SDK1: variants seen among roughly 807,000 people sequenced by gnomAD.
The protein encoded by SDK1 is protein sidekick-1.
SDK1 carries 157 observed loss-of-function variants against 245.5 expected under a neutral mutation model. The ratio of observed to expected loss-of-function variants is 0.64; its 90% CI spans 0.56 to 0.73. The LOEUF is 0.73. SDK1 is among the 30% of genes least tolerant of loss of function. The pLI is 0.00. For missense variants in SDK1, 3,583 were observed against 3,002.3 expected (o/e 1.19, Z -4.52); for synonymous variants, 1,647 against 1,278.5 (o/e 1.29, Z -6.15).
intron 5 of SDK1, among the ~76,000 whole-genome samples, chr7:3,872,647 T>C (rs926312779): frequency 1.1e-4 from 17 of 151,758 alleles, no homozygotes; most frequent in African/African-American, 4.1e-4. Flanking sequence ...ATTGTAGTTG[T>C]GCCTTCTCTT....
intron 4 of SDK1, among the ~76,000 whole-genome samples, chr7:3,725,583 G>C (rs182131337): frequency 6.6e-6 from 1 of 152,140 alleles, no homozygotes; most frequent in Non-Finnish European, 1.5e-5. Flanking sequence ...ACTCTTTGGC[G>C]CTCTACTTTT....
intron 11 of SDK1, among the ~76,000 whole-genome samples, chr7:3,969,863 A>G (rs1438833358): frequency 6.6e-6 from 1 of 152,260 alleles, no homozygotes; most frequent in African/African-American, 2.4e-5. Context: ...TTAGGAGTGA[A>G]CTGAAAGAAA....
chr7:3,609,771 G>A (rs1371546629), intron 1 of SDK1, among the ~76,000 whole-genome samples: 2 of 150,402 alleles, frequency 1.3e-5, no homozygotes, highest in East Asian at 3.9e-4. Flanking sequence ...CACGATCTTG[G>A]CTCACTGCAA....
At chr7:3,493,470 C>G (rs1326709254) in intron 1 of SDK1, among the ~76,000 whole-genome samples, 1 of 152,182 alleles carries the variant, frequency 6.6e-6, no homozygotes, top group Admixed American at 6.5e-5. Context: ...GTGTGGTGTG[C>G]TGTTCTCACT....
rs111416733 is a variant in SDK1 at position 4,053,949 on chromosome 7, G to A, written c.2911+2119G>A. Among the ~76,000 whole-genome samples the A allele has an allele frequency of 7.1e-3, 1,078 of 151,952 alleles. 8 individuals carry two copies. Among genetic ancestry groups the A allele is most frequent in the African/African-American group, 0.025 (1,034 of 41,420 alleles). ...GGTGGTGGTTTTTTTTGTTGTTGTT[G>A]TTGTTTTGAGACAGAATCTTGCTCT... On this transcript the variant is annotated intron_variant, in intron 19 of 44. Coordinates refer to ENST00000404826, the MANE Select transcript of SDK1 (RefSeq NM_152744.4).
intron 22 of SDK1, among the ~76,000 whole-genome samples, chr7:4,103,398 T>A (rs896047942): frequency 6.6e-6 from 1 of 152,240 alleles, no homozygotes; most frequent in African/African-American, 2.4e-5. Flanking sequence ...GAACATTCTT[T>A]CTTGGCCTTG....
At chr7:4,259,016 T>TC (rs1401005052) in intron 44 of SDK1, among the ~76,000 whole-genome samples, 1 of 152,196 alleles carries the variant, frequency 6.6e-6, no homozygotes, top group African/African-American at 2.4e-5. Flanking sequence ...CAAACCCAAT[T>TC]CAGGGGCTAA....
At chr7:3,389,984 T>C (rs917102130) in intron 1 of SDK1, among the ~76,000 whole-genome samples, 1 of 152,128 alleles carries the variant, frequency 6.6e-6, no homozygotes, top group African/African-American at 2.4e-5. Flanking sequence ...GAGCTTGTTA[T>C]TGGTAAGTGG....
intron 4 of SDK1, among the ~76,000 whole-genome samples, chr7:3,784,910 T>A (rs1307218976): frequency 2.0e-5 from 3 of 152,234 alleles, no homozygotes; most frequent in Non-Finnish European, 4.4e-5. Flanking sequence ...CACCAATGTT[T>A]ACTGCAGCAT....
intron 9 of SDK1, among the ~76,000 whole-genome samples, chr7:3,965,907 G>C (rs887333606): frequency 6.6e-6 from 1 of 151,946 alleles, no homozygotes; most frequent in Admixed American, 6.6e-5. Context: ...GAGCAAGCTC[G>C]GCATGTGTGC....
intron 1 of SDK1, among the ~76,000 whole-genome samples, chr7:3,432,319 C>A (rs7810155): frequency 2.6e-5 from 4 of 151,598 alleles, no homozygotes; most frequent in East Asian, 1.9e-4. Context: ...GCATGTCATC[C>A]TGCCCCAGTC....
At chr7:3,312,577 T>TA (rs1562406374) in intron 1 of SDK1, among the ~76,000 whole-genome samples, 1 of 151,628 alleles carries the variant, frequency 6.6e-6, no homozygotes, top group Non-Finnish European at 1.5e-5. Flanking sequence ...GTGTTTTTTT[T>TA]TAAAAAAAAT....
At chr7:4,127,304 A>G (rs1784452324) in intron 25 of SDK1, 77 bp from the exon 26 acceptor site, 8 of 1,086,612 alleles carry the variant, frequency 7.4e-6, no homozygotes, top group Non-Finnish European at 1.1e-5. Context: ...CAACTTGATT[A>G]TTTGGGTGAA....
At chr7:3,794,695 T>C (rs1778919719) in intron 4 of SDK1, among the ~76,000 whole-genome samples, 1 of 152,138 alleles carries the variant, frequency 6.6e-6, no homozygotes, top group Non-Finnish European at 1.5e-5. Context: ...TCCCTCGACC[T>C]TGGACTTCTC....
chr7:3,752,005 C>T (rs73032355), intron 4 of SDK1, among the ~76,000 whole-genome samples: 34,921 of 152,240 alleles, frequency 0.23, 4,210 homozygotes, highest in Middle Eastern at 0.39. Context: ...AACAAGCTTT[C>T]AGCCAATGGG....
intron 5 of SDK1, among the ~76,000 whole-genome samples, chr7:3,913,685 C>A (rs754796748): frequency 9.2e-5 from 14 of 152,132 alleles, no homozygotes; most frequent in Admixed American, 2.6e-4. Context: ...AATCCCAACT[C>A]TCCTAAACCC....
At chr7:3,518,646 G>C (rs570312700) in intron 1 of SDK1, among the ~76,000 whole-genome samples, 11 of 152,064 alleles carry the variant, frequency 7.2e-5, no homozygotes, top group African/African-American at 2.6e-4. Context: ...TCTCATCCCA[G>C]ATAGGATGGC....
intron 1 of SDK1, among the ~76,000 whole-genome samples, chr7:3,446,532 G>A (rs1459940780): frequency 1.3e-5 from 2 of 152,112 alleles, no homozygotes; most frequent in Non-Finnish European, 2.9e-5. Context: ...TAAGAGCCAC[G>A]AAACTTCCTT....
chr7:4,198,895 C>T (rs764982003), intron 35 of SDK1, among the ~76,000 whole-genome samples: 6 of 151,608 alleles, frequency 4.0e-5, no homozygotes, highest in Middle Eastern at 6.8e-3. Flanking sequence ...CTCACTGCAA[C>T]CTCCGCCTCC....
Sources: allele counts gnomAD v4.1 joint callset (sites outside exome capture counted in the v4.1 genomes callset), GRCh38; gene constraint gnomAD v4.1.1; transcripts MANE v1.5; gene names NCBI Gene and HGNC (gene_info 2026-07-23, HGNC 2026-07-21).